Variants in TBC1D4 observed in about 807,000 individuals in gnomAD.
TBC1D4 encodes the protein TBC (Tre-2, BUB2, CDC16) domain-containing protein.
In TBC1D4, 121 loss-of-function variants were observed where a neutral mutation model predicts 142.5. That is an observed-to-expected ratio of 0.85 (90% confidence interval 0.73 to 0.99). The LOEUF (loss-of-function observed/expected upper bound fraction) is 0.99, where lower values mean the gene tolerates loss of function less well. Among genes scored for constraint, TBC1D4 ranks in the 50% least tolerant of loss-of-function variants. The probability of loss-of-function intolerance (pLI) is 0.00; values close to 1 mark genes in which losing one functional copy is unlikely to be tolerated. For missense variants in TBC1D4, 1,475 were observed against 1,606.6 expected (o/e 0.92, Z 1.40); for synonymous variants, 630 against 628.2 (o/e 1.00, Z -0.04).
chr13:75,420,165 T>A (rs1483265448), intron 1 of TBC1D4, among the ~76,000 whole-genome samples: 1 of 152,164 alleles, frequency 6.6e-6, no homozygotes, highest in Non-Finnish European at 1.5e-5. Flanking sequence ...TAGTAAGAAG[T>A]TAGATGCTGC....
At chr13:75,476,914 G>C (rs1888650378) in intron 1 of TBC1D4, among the ~76,000 whole-genome samples, 1 of 152,160 alleles carries the variant, frequency 6.6e-6, no homozygotes, top group African/African-American at 2.4e-5. Flanking sequence ...GAGAATCTCT[G>C]GTTTCTGATA....
chr13:75,349,356 T>A, intron 4 of TBC1D4, 54 bp from the exon 5 acceptor site: 1 of 1,606,818 alleles, frequency 6.2e-7, no homozygotes, highest in South Asian at 1.1e-5. Flanking sequence ...ATGGCAACAT[T>A]CAACATTCAA....
chr13:75,461,186 G>A (rs1277917565), intron 1 of TBC1D4, among the ~76,000 whole-genome samples: 1 of 152,190 alleles, frequency 6.6e-6, no homozygotes, highest in African/African-American at 2.4e-5. Flanking sequence ...GCCACTGAAT[G>A]TCTGCAAAGC....
At chr13:75,329,138 C>T (rs1879528085) in intron 8 of TBC1D4, among the ~76,000 whole-genome samples, 2 of 152,002 alleles carry the variant, frequency 1.3e-5, no homozygotes. Context: ...CCTTTCTTCC[C>T]CTCTTCCTTC....
chr13:75,411,217 A>C (rs796456311), intron 1 of TBC1D4, among the ~76,000 whole-genome samples: 2 of 152,294 alleles, frequency 1.3e-5, no homozygotes, highest in African/African-American at 4.8e-5. Context: ...TACTGATGAG[A>C]GTTAAATGAA....
intron 1 of TBC1D4, among the ~76,000 whole-genome samples, chr13:75,394,984 G>C (rs1884709674): frequency 6.6e-6 from 1 of 152,222 alleles, no homozygotes; most frequent in Admixed American, 6.5e-5. Context: ...ATTCAGTATA[G>C]AAGGTACCAA....
In TBC1D4 at chr13:75,285,252, A is replaced by G. The variant is rs1874564045; in HGVS notation, c.*1540T>C. 1 of 152,204 alleles carries G rather than the reference A, an allele frequency of 6.6e-6. No homozygotes were observed. The highest frequency in any genetic ancestry group is 2.4e-5 in the African/African-American group (1 of 41,438). 9.4% of individuals were successfully genotyped at this position (152,204 alleles called of 1,614,324 possible). On this transcript the variant is annotated 3_prime_UTR_variant, in exon 21 of 21. Transcript: ENST00000377636. Reference sequence around the variant, plus strand: ...GCGGAGGGGGTTTCAGATGTTTGTCATCTGTTCATCAAAGCTTTCTGAAAC... The same window carrying G: ...GCGGAGGGGGTTTCAGATGTTTGTCGTCTGTTCATCAAAGCTTTCTGAAAC...
chr13:75,459,871 G>T (rs372639064), intron 1 of TBC1D4, among the ~76,000 whole-genome samples: 3 of 152,100 alleles, frequency 2.0e-5, no homozygotes, highest in African/African-American at 7.2e-5. Context: ...GGCAAGGCGC[G>T]GTGGCTCACG....
At chr13:75,367,100 C>T (rs1882958460) in intron 1 of TBC1D4, 2 of 439,530 alleles carry the variant, frequency 4.6e-6, no homozygotes, top group East Asian at 1.6e-4. Context: ...CAGGAGTAAC[C>T]ATTATTGCTT....
intron 1 of TBC1D4, among the ~76,000 whole-genome samples, chr13:75,372,274 C>CTTT (rs5804806): frequency 4.7e-4 from 69 of 147,970 alleles, no homozygotes; most frequent in African/African-American, 1.6e-3. Context: ...TTAAGGCTCA[C>CTTT]TTTTTTTTTT....
chr13:75,292,953 C>T (rs796849105), intron 18 of TBC1D4, among the ~76,000 whole-genome samples: 8 of 152,128 alleles, frequency 5.3e-5, no homozygotes, highest in African/African-American at 1.7e-4. Flanking sequence ...CTAGGAGTTA[C>T]AGACCAGCCT....
intron 16 of TBC1D4, among the ~76,000 whole-genome samples, chr13:75,301,107 G>A (rs1876492811): frequency 6.6e-6 from 1 of 152,040 alleles, no homozygotes; most frequent in Admixed American, 6.5e-5. Flanking sequence ...AATATAAGAT[G>A]ACCCCAAACA....
intron 1 of TBC1D4, among the ~76,000 whole-genome samples, chr13:75,377,908 G>A (rs1049977402): frequency 3.3e-5 from 5 of 151,718 alleles, no homozygotes; most frequent in African/African-American, 9.7e-5. Flanking sequence ...ATATATTAAT[G>A]GCATGCAAAA....
chr13:75,362,977 CA>C lies in TBC1D4; in HGVS notation c.499-371del, dbSNP rs2138178136. Among the ~76,000 whole-genome samples, 1 of 152,228 alleles carries C rather than the reference CA, an allele frequency of 6.6e-6. No homozygotes were observed. The highest frequency in any genetic ancestry group is 6.5e-5 in the Admixed American group (1 of 15,284). The stretch of plus-strand genomic sequence containing the variant: ...GGAACCAAAGTTCCAACCATGAGGA[CA>C]AAATAACCTTTTTTGATGAGGAGAT... On this transcript the variant is annotated intron_variant, in intron 1 of 20. Transcript: ENST00000377636. The surrounding 1 kb of genome is among the most constrained non-coding windows in gnomAD (Gnocchi z 4.2).
chr13:75,409,886 A>T (rs763503704), intron 1 of TBC1D4, among the ~76,000 whole-genome samples: 1 of 152,198 alleles, frequency 6.6e-6, no homozygotes, highest in Admixed American at 6.5e-5. Context: ...TTGCCCTGCT[A>T]TATCATCTCT....
At chr13:75,453,833 G>T (rs1593903373) in intron 1 of TBC1D4, among the ~76,000 whole-genome samples, 1 of 150,814 alleles carries the variant, frequency 6.6e-6, no homozygotes, top group East Asian at 2.0e-4. Context: ...CTGCCATCCA[G>T]CCTGGAGGAC....
chr13:75,398,841 A>G (rs1449902669), intron 1 of TBC1D4, among the ~76,000 whole-genome samples: 1 of 152,178 alleles, frequency 6.6e-6, no homozygotes, highest in East Asian at 1.9e-4. Flanking sequence ...AGATCTGAGG[A>G]CCTGTCTCCC....
chr13:75,361,910 C>T, intron 2 of TBC1D4, 116 bp downstream of exon 2: 1 of 1,294,332 alleles, frequency 7.7e-7, no homozygotes, highest in Non-Finnish European at 1.1e-6. Flanking sequence ...AAGGGGAAAA[C>T]AAATAAAAGT....
chr13:75,295,369 C>G (rs917360374), intron 17 of TBC1D4, among the ~76,000 whole-genome samples: 1 of 152,154 alleles, frequency 6.6e-6, no homozygotes, highest in Non-Finnish European at 1.5e-5. Context: ...CTTCTAATTT[C>G]AGACTAATTC....
Sources: gnomAD v4.1 joint callset for allele counts (sites outside exome capture counted in the v4.1 genomes callset) on GRCh38, gnomAD v4.1.1 for gene constraint, Gnocchi (gnomAD v3.1) non-coding constraint, MANE v1.5 for transcripts, NCBI Gene and HGNC (gene_info 2026-07-23, HGNC 2026-07-21) for gene names.